The following TRIM69 variants were observed in gnomAD, a reference collection of about 807,000 sequenced individuals.
The protein encoded by TRIM69 is E3 ubiquitin-protein ligase TRIM69.
Under a neutral mutation model 37.7 loss-of-function variants are expected in TRIM69, and 29 were observed. That is an observed-to-expected ratio of 0.77 (90% CI 0.57 to 1.05). TRIM69 has a LOEUF of 1.05. Ranked by LOEUF, TRIM69 falls within the 50% of genes least tolerant of loss-of-function variation. The pLI is 0.00. For missense variants in TRIM69, 596 were observed against 579.9 expected (o/e 1.03, Z -0.28); for synonymous variants, 209 against 212.4 (o/e 0.98, Z 0.14).
intron 1 of TRIM69, among the ~76,000 whole-genome samples, chr15:44,738,898 T>C (rs982212282): frequency 1.3e-5 from 2 of 152,158 alleles, no homozygotes; most frequent in Non-Finnish European, 2.9e-5. Flanking sequence ...ATATAATTAA[T>C]CCCTTGTTTT....
chr15:44,758,385 A>G, intron 3 of TRIM69: 1 of 605,908 alleles, frequency 1.7e-6, no homozygotes, highest in Non-Finnish European at 2.9e-6. Context: ...CAGTACTGCA[A>G]TAGGAAACTG....
intron 1 of TRIM69, among the ~76,000 whole-genome samples, chr15:44,747,370 T>G (rs772011733): frequency 8.5e-5 from 13 of 152,112 alleles, no homozygotes; most frequent in Admixed American, 2.0e-4. Context: ...TAACCCTGCC[T>G]CCATCCTCAT....
At chr15:44,739,733 G>A (rs1047497383) in intron 1 of TRIM69, among the ~76,000 whole-genome samples, 3 of 151,806 alleles carry the variant, frequency 2.0e-5, no homozygotes, top group Admixed American at 6.5e-5. Context: ...CGGGAAGCTC[G>A]AACTGGGTGG....
intron 6 of TRIM69, among the ~76,000 whole-genome samples, chr15:44,763,201 A>T (rs950821491): frequency 6.6e-6 from 1 of 152,146 alleles, no homozygotes; most frequent in Non-Finnish European, 1.5e-5. Context: ...TGGCTGTGAC[A>T]GTTTCTCAGG....
intron 6 of TRIM69, among the ~76,000 whole-genome samples, chr15:44,764,969 T>C (rs1346462885): frequency 1.3e-5 from 2 of 152,212 alleles, no homozygotes; most frequent in South Asian, 2.1e-4. Flanking sequence ...ATAAGGACTC[T>C]GGATTTTATC....
intron 1 of TRIM69, among the ~76,000 whole-genome samples, chr15:44,738,454 T>C (rs1049645876): frequency 1.7e-4 from 26 of 152,190 alleles, no homozygotes; most frequent in African/African-American, 6.3e-4. Flanking sequence ...AGTTTCTCTC[T>C]CTCTGCCTTA....
intron 1 of TRIM69, among the ~76,000 whole-genome samples, chr15:44,745,837 A>G (rs2087395126): frequency 6.6e-6 from 1 of 152,192 alleles, no homozygotes; most frequent in African/African-American, 2.4e-5. Context: ...AAATAGGTCA[A>G]TTGAGATTAT....
At chr15:44,743,444 A>G (rs565109289) in intron 1 of TRIM69, among the ~76,000 whole-genome samples, 9 of 152,382 alleles carry the variant, frequency 5.9e-5, no homozygotes, top group African/African-American at 2.2e-4. Flanking sequence ...CAAGGGCAAC[A>G]AAAGCCAAAA....
At chr15:44,760,370 G>A (rs1027287610) in intron 6 of TRIM69, among the ~76,000 whole-genome samples, 4 of 152,120 alleles carry the variant, frequency 2.6e-5, no homozygotes, top group African/African-American at 9.7e-5. Flanking sequence ...CTAAGTTTTT[G>A]TGTTCCTGTA....
intron 1 of TRIM69, 134 bp downstream of exon 1, chr15:44,736,844 G>A: frequency 1.0e-6 from 1 of 966,870 alleles, no homozygotes; most frequent in Non-Finnish European, 1.5e-6. Flanking sequence ...TGTGACAGCT[G>A]GTAGCTACTA....
rs114770697 is a variant in TRIM69 at position 44,767,464 on chromosome 15, A to G, written c.1195A>G (p.Ile399Val). ...GACAGTTGGAGTTGTCAGAGAATCC[A>G]TCATTCGGAAGGGCAGCTGTCCTCT... is the stretch of plus-strand genomic sequence containing the variant. Reference protein sequence around the residue: ...KWTVGVVRESIIRKGSCPLTP... With the variant: ...KWTVGVVRESVIRKGSCPLTP... The change falls in exon 7 of 7, where the codon ATC (isoleucine) becomes GTC (valine). Residue 399 changes from isoleucine to valine, a missense_variant. Ile to Val is a conservative substitution (Grantham distance 29). Coordinates refer to ENST00000329464, the MANE Select transcript of TRIM69 (RefSeq NM_182985.5). 12 of 1,614,106 alleles carry G rather than the reference A, an allele frequency of 7.4e-6. No homozygotes were observed. The highest frequency in any genetic ancestry group is 1.6e-4 in the Middle Eastern group (1 of 6,084).
chr15:44,750,892 T>C (rs573101247), intron 1 of TRIM69, among the ~76,000 whole-genome samples: 1 of 149,148 alleles, frequency 6.7e-6, no homozygotes, highest in East Asian at 2.0e-4. Context: ...GCCTGGCTGA[T>C]TTTTTATCTT....
chr15:44,758,525 G>A, intron 3 of TRIM69, 96 bp from the exon 4 acceptor site: 1 of 1,510,338 alleles, frequency 6.6e-7, no homozygotes, highest in Non-Finnish European at 8.9e-7. Context: ...TTTCTGTGAT[G>A]GTATTTACCA....
At chr15:44,763,038 T>G (rs1188814455) in intron 6 of TRIM69, among the ~76,000 whole-genome samples, 2 of 152,222 alleles carry the variant, frequency 1.3e-5, no homozygotes, top group Non-Finnish European at 2.9e-5. Flanking sequence ...ATTTAACATT[T>G]TTAACAACTA....
chr15:44,748,695 G>A (rs972083600), intron 1 of TRIM69, among the ~76,000 whole-genome samples: 1 of 151,112 alleles, frequency 6.6e-6, no homozygotes, highest in Non-Finnish European at 1.5e-5. Flanking sequence ...GCATGGTGAC[G>A]CATGCCTGTA....
intron 1 of TRIM69, chr15:44,754,591 A>G: frequency 3.2e-6 from 1 of 311,148 alleles, no homozygotes; most frequent in Non-Finnish European, 5.9e-6. Context: ...GTAGAGCAGA[A>G]GTTGAAAAAT....
chr15:44,761,378 CA>C (rs1256634335), intron 6 of TRIM69, among the ~76,000 whole-genome samples: 1 of 152,150 alleles, frequency 6.6e-6, no homozygotes, highest in Non-Finnish European at 1.5e-5. Context: ...ATATCCTTTC[CA>C]AAACTTGATA....
At position 44,743,795 on chromosome 15, in the gene TRIM69, G is replaced by A. The variant is rs1234612770; in HGVS notation, c.6+7085G>A. Among the ~76,000 whole-genome samples the A allele has an allele frequency of 6.6e-5, 10 of 152,154 alleles. No homozygotes were observed. In the Middle Eastern group the frequency reaches 9.5e-3, roughly 144 times the overall value. On this transcript the variant is annotated intron_variant, in intron 1 of 6. Transcript: ENST00000329464. ...CCAGTTAGAATGGCATCATTGAAAA[G>A]TCAGGAAACAACAGGTGCTACAGAG...
intron 1 of TRIM69, among the ~76,000 whole-genome samples, chr15:44,742,933 A>C (rs1314142633): frequency 2.0e-5 from 3 of 151,554 alleles, no homozygotes; most frequent in Non-Finnish European, 2.9e-5. Context: ...CAAGCTACCA[A>C]TGACTTTCTT....
Sources: allele counts gnomAD v4.1 joint callset (sites outside exome capture counted in the v4.1 genomes callset), GRCh38; gene constraint gnomAD v4.1.1; transcripts MANE v1.5; gene names NCBI Gene and HGNC (gene_info 2026-07-23, HGNC 2026-07-21).